The following CMKLR2 variants were observed in gnomAD, a reference collection of about 807,000 sequenced individuals.
CMKLR2 encodes the protein chemerin chemokine-like receptor 2.
Under a neutral mutation model 23.0 loss-of-function variants are expected in CMKLR2, and 18 were observed. The observed-to-expected ratio is 0.78, with a 90% CI of 0.54 to 1.16. The LOEUF is 1.16. CMKLR2 is among the 50% of genes most tolerant of loss of function. The pLI is 0.00. For synonymous variants in CMKLR2, 158 were observed against 158.9 expected, an observed-to-expected ratio of 0.99 and a Z score of 0.05; for missense variants, 401 against 412.7, an observed-to-expected ratio of 0.97 and a Z score of 0.25.
At chr2:206,216,549 C>T (rs887249151), upstream of CMKLR2, among the ~76,000 whole-genome samples, 12 of 152,114 alleles carry the variant, frequency 7.9e-5, no homozygotes, top group African/African-American at 2.4e-4. Context: ...CCCAAAATGC[C>T]GGGATTACAG....
chr2:206,185,572 G>C (rs966488769), intron 1 of CMKLR2, among the ~76,000 whole-genome samples: 5 of 152,144 alleles, frequency 3.3e-5, no homozygotes, highest in Non-Finnish European at 7.4e-5. Flanking sequence ...AATGATTTTC[G>C]CAAAGGGGAA....
intron 1 of CMKLR2, among the ~76,000 whole-genome samples, chr2:206,178,902 G>C (rs1010823568): frequency 2.0e-5 from 3 of 151,894 alleles, no homozygotes; most frequent in Admixed American, 6.6e-5. Flanking sequence ...ACCCATCTCA[G>C]CCTCCCAAAG....
chr2:206,184,154 T>G (rs1476915711), intron 1 of CMKLR2, among the ~76,000 whole-genome samples: 2 of 152,162 alleles, frequency 1.3e-5, no homozygotes, highest in African/African-American at 4.8e-5. Flanking sequence ...TCTGCCTACA[T>G]CTTCACATAG....
upstream of CMKLR2, among the ~76,000 whole-genome samples, chr2:206,216,587 A>G (rs936135734): frequency 6.6e-6 from 1 of 152,178 alleles, no homozygotes; most frequent in African/African-American, 2.4e-5. Context: ...TGGTCTCAAC[A>G]GGTTTTTGAC....
chr2:206,212,724 A>G (rs1203290384), intron 1 of CMKLR2, among the ~76,000 whole-genome samples: 1 of 152,228 alleles, frequency 6.6e-6, no homozygotes, highest in African/African-American at 2.4e-5. Flanking sequence ...GCGAGATTCA[A>G]AAAGGCAACA....
chr2:206,176,516 A>G lies in CMKLR2; in HGVS notation c.732T>C (p.His244=). The change falls in exon 2 of 2, where the codon CAT becomes CAC. Residue 244 remains histidine, a synonymous_variant. Coordinates refer to ENST00000621141, the MANE Select transcript of CMKLR2 (RefSeq NM_001389445.1). ...KKRSILISSR[H]FWTILVVVVA... Reference sequence around the variant, plus strand: ...CAACCACAACCAGAATTGTCCAGAAATGCCTACTGGAGATCAGGATGCTTC... The same window carrying G: ...CAACCACAACCAGAATTGTCCAGAAGTGCCTACTGGAGATCAGGATGCTTC... 1 of 1,614,174 alleles carries G rather than the reference A, an allele frequency of 6.2e-7. No individual in the cohort carries two copies. Among genetic ancestry groups the G allele is most frequent in the Non-Finnish European group, 8.5e-7 (1 of 1,180,016 alleles).
chr2:206,197,113 T>C (rs1248421225), intron 1 of CMKLR2, among the ~76,000 whole-genome samples: 1 of 152,182 alleles, frequency 6.6e-6, no homozygotes, highest in African/African-American at 2.4e-5. Flanking sequence ...TTTCACCATA[T>C]TGGCCAGGCT....
rs532543638 is a variant in CMKLR2 at position 206,194,922 on chromosome 2, T to A, written c.-28-17647A>T. ...GCACCAGCCACAAAGCCTGGCTAAT[T>A]TTTTTTTGTATTTTTAGTAGACACG... On this transcript the variant is annotated intron_variant, in intron 1 of 1. Coordinates refer to ENST00000621141, the MANE Select transcript of CMKLR2 (RefSeq NM_001389445.1). Among the ~76,000 whole-genome samples, 9 of 151,016 alleles carry A rather than the reference T, an allele frequency of 6.0e-5. No individual in the cohort carries two copies. The South Asian group carries it at 1.9e-3, about 32-fold the overall frequency.
At chr2:206,194,744 C>CTTTTT (rs745647131) in intron 1 of CMKLR2, among the ~76,000 whole-genome samples, 5 of 76,820 alleles carry the variant, frequency 6.5e-5, no homozygotes, top group Admixed American at 1.5e-4. Context: ...CCATCATAGA[C>CTTTTT]TTTTTTTTTT....
chr2:206,214,886 A>T (rs1457718063), upstream of CMKLR2, among the ~76,000 whole-genome samples: 1 of 152,022 alleles, frequency 6.6e-6, no homozygotes, highest in Non-Finnish European at 1.5e-5. Flanking sequence ...CGGCCTCCCA[A>T]AGTGCTGGGA....
At chr2:206,207,350 G>A (rs1349321547) in intron 1 of CMKLR2, among the ~76,000 whole-genome samples, 1 of 152,034 alleles carries the variant, frequency 6.6e-6, no homozygotes, top group Non-Finnish European at 1.5e-5. Context: ...ATGTTGGCCA[G>A]GCTGGTCTCG....
intron 1 of CMKLR2, among the ~76,000 whole-genome samples, chr2:206,205,106 T>C (rs1054293077): frequency 2.6e-5 from 4 of 152,186 alleles, no homozygotes; most frequent in Admixed American, 2.0e-4. Context: ...CATTTACTGA[T>C]TGCTTGAGAA....
intron 1 of CMKLR2, among the ~76,000 whole-genome samples, chr2:206,177,578 G>T (rs1214480416): frequency 6.6e-6 from 1 of 151,966 alleles, no homozygotes; most frequent in Non-Finnish European, 1.5e-5. Context: ...GTAGAGATGA[G>T]GTCTCACTAT....
At chr2:206,180,778 A>G (rs1243029240) in intron 1 of CMKLR2, among the ~76,000 whole-genome samples, 2 of 29,854 alleles carry the variant, frequency 6.7e-5, no homozygotes, top group East Asian at 2.1e-3. Flanking sequence ...ATTTTGAGAC[A>G]GAGTCTTGCC....
chr2:206,189,220 T>C (rs1246368624), intron 1 of CMKLR2, among the ~76,000 whole-genome samples: 1 of 152,228 alleles, frequency 6.6e-6, no homozygotes, highest in African/African-American at 2.4e-5. Context: ...CTACGTAGGT[T>C]GCCTGTGTAG....
At chr2:206,206,111 C>T (rs191023249) in intron 1 of CMKLR2, among the ~76,000 whole-genome samples, 169 of 152,226 alleles carry the variant, frequency 1.1e-3, no homozygotes, top group African/African-American at 4.0e-3. Context: ...TAGAGAAACA[C>T]CATATTTATC....
Position 206,176,269 on chromosome 2 carries a change from G to A in CMKLR2, c.979C>T (p.Leu327=). The change falls in exon 2 of 2, where the codon CTG becomes TTG. Residue 327 remains leucine (L), a synonymous_variant. Coordinates refer to ENST00000621141, the MANE Select transcript of CMKLR2 (RefSeq NM_001389445.1). ...SSVAEILKYT[L]WEVSCSGTVS... ...GTGCCAGAACAGCTGACTTCCCACAGTGTGTACTTGAGTATCTCAGCAACT... is the reference window on the plus strand; with the variant it reads ...GTGCCAGAACAGCTGACTTCCCACAATGTGTACTTGAGTATCTCAGCAACT... The A allele has an allele frequency of 6.2e-7, 1 of 1,614,210 alleles. No individual in the cohort carries two copies. Among genetic ancestry groups the A allele is most frequent in the South Asian group, 1.1e-5 (1 of 91,084 alleles).
At chr2:206,187,200 AG>A (rs1345970423) in intron 1 of CMKLR2, among the ~76,000 whole-genome samples, 3 of 152,132 alleles carry the variant, frequency 2.0e-5, no homozygotes, top group African/African-American at 7.2e-5. Context: ...CACAAAAATT[AG>A]CCAGGCGCAG....
chr2:206,202,953 C>G (rs941788599), intron 1 of CMKLR2, among the ~76,000 whole-genome samples: 41 of 151,968 alleles, frequency 2.7e-4, no homozygotes, highest in Admixed American at 2.6e-3. Context: ...GCTACCAGAT[C>G]GACCTCCTCC....
Sources: gnomAD v4.1 joint callset for allele counts (sites outside exome capture counted in the v4.1 genomes callset) on GRCh38, gnomAD v4.1.1 for gene constraint, MANE v1.5 for transcripts, NCBI Gene and HGNC (gene_info 2026-07-23, HGNC 2026-07-21) for gene names.